TPST1: variants seen among roughly 807,000 people sequenced by gnomAD.
The protein encoded by TPST1 is tyrosylprotein sulfotransferase 1, also known as protein-tyrosine sulfotransferase 1.
In TPST1, 20 loss-of-function variants were observed where a neutral mutation model predicts 34.8. That is an observed-to-expected ratio of 0.57 (90% CI 0.40 to 0.84). The LOEUF is 0.84. Ranked by LOEUF, TPST1 falls within the 40% of genes least tolerant of loss-of-function variation. The pLI, the probability that TPST1 is intolerant of heterozygous loss-of-function variation, is 0.00. For synonymous variants in TPST1, 152 were observed against 159.4 expected (o/e 0.95, Z 0.35); for missense variants, 353 against 455.5 (o/e 0.78, Z 2.05).
At chr7:66,320,494 G>A (rs184602922) in intron 3 of TPST1, among the ~76,000 whole-genome samples, 5 of 151,906 alleles carry the variant, frequency 3.3e-5, no homozygotes, top group African/African-American at 7.2e-5. Flanking sequence ...TGATCTGCCC[G>A]CCTCGGCCTC....
intron 3 of TPST1, among the ~76,000 whole-genome samples, chr7:66,324,042 A>G (rs1791811411): frequency 1.3e-5 from 2 of 152,242 alleles, no homozygotes; most frequent in Admixed American, 6.5e-5. Context: ...AGATGGATCA[A>G]TAGATCACAA....
In TPST1 at chr7:66,213,448, T is replaced by C. The variant is rs1189860713; in HGVS notation, c.-102+7926T>C. On this transcript the variant is annotated intron_variant, in intron 1 of 5. Coordinates refer to ENST00000304842, the MANE Select transcript of TPST1 (RefSeq NM_003596.4). ...TCTATTTTGTCATTTGTTTAAAGAG[T>C]GTATGTAATGGCTTGTTAAACAATA... Among the ~76,000 whole-genome samples, 4 of 152,026 alleles carry C rather than the reference T, an allele frequency of 2.6e-5. 1 individual carries two copies. The highest frequency in any genetic ancestry group is 6.3e-3 in the Middle Eastern group (2 of 316).
intron 1 of TPST1, among the ~76,000 whole-genome samples, chr7:66,217,972 C>G (rs1220131592): frequency 2.6e-5 from 4 of 151,698 alleles, no homozygotes; most frequent in African/African-American, 4.8e-5. Flanking sequence ...CTCTGCCTCC[C>G]GGATTCAAGC....
intron 3 of TPST1, among the ~76,000 whole-genome samples, chr7:66,343,354 G>T (rs1047760506): frequency 1.4e-4 from 21 of 152,236 alleles, no homozygotes; most frequent in African/African-American, 4.8e-4. Context: ...GCTAGACATT[G>T]GGTATTCATG....
At chr7:66,229,343 C>T (rs1292575918) in intron 1 of TPST1, among the ~76,000 whole-genome samples, 1 of 152,174 alleles carries the variant, frequency 6.6e-6, no homozygotes, top group Non-Finnish European at 1.5e-5. Context: ...ATCTCCTGAC[C>T]TCGTGATCTG....
At chr7:66,297,898 A>G (rs1374861727) in intron 3 of TPST1, among the ~76,000 whole-genome samples, 1 of 152,170 alleles carries the variant, frequency 6.6e-6, no homozygotes, top group Non-Finnish European at 1.5e-5. Context: ...AGTTACCCAA[A>G]TTAGGTCTCC....
chr7:66,272,906 T>A (rs1790733106), intron 2 of TPST1, among the ~76,000 whole-genome samples: 1 of 152,042 alleles, frequency 6.6e-6, no homozygotes, highest in Admixed American at 6.6e-5. Flanking sequence ...CCACTTCTGT[T>A]CAGTACAGTA....
At chr7:66,234,231 G>A (rs1325446764) in intron 1 of TPST1, among the ~76,000 whole-genome samples, 1 of 152,034 alleles carries the variant, frequency 6.6e-6, no homozygotes, top group Non-Finnish European at 1.5e-5. Flanking sequence ...ACTTTTTCTT[G>A]GAATGCTCTT....
chr7:66,326,896 C>T (rs1325609446), intron 3 of TPST1, among the ~76,000 whole-genome samples: 1 of 152,140 alleles, frequency 6.6e-6, no homozygotes, highest in Admixed American at 6.5e-5. Flanking sequence ...TGTTTCTAGG[C>T]AGCACAAGAC....
At chr7:66,273,819 T>C (rs550326440) in intron 2 of TPST1, among the ~76,000 whole-genome samples, 6 of 152,024 alleles carry the variant, frequency 3.9e-5, no homozygotes, top group Non-Finnish European at 5.9e-5. Flanking sequence ...TTTTTTTCTT[T>C]TGAGACAGGG....
chr7:66,328,261 A>C (rs1319472688), intron 3 of TPST1, among the ~76,000 whole-genome samples: 1 of 151,732 alleles, frequency 6.6e-6, no homozygotes, highest in Non-Finnish European at 1.5e-5. Flanking sequence ...TCCTGAGCTC[A>C]GGCAATCTTC....
chr7:66,296,258 TCCCCCAC>T (rs1429804770), intron 3 of TPST1, among the ~76,000 whole-genome samples: 3 of 12,446 alleles, frequency 2.4e-4, no homozygotes, highest in Non-Finnish European at 4.7e-4. Flanking sequence ...CCCCCCCCCC[TCCCCCAC>T]CGTCTCTGCC....
At chr7:66,307,063 T>G (rs1791438001) in intron 3 of TPST1, among the ~76,000 whole-genome samples, 1 of 151,782 alleles carries the variant, frequency 6.6e-6, no homozygotes, top group South Asian at 2.1e-4. Context: ...TAGTTGTAAT[T>G]AGAGGGAGGA....
intron 2 of TPST1, among the ~76,000 whole-genome samples, chr7:66,269,597 G>A (rs1034518071): frequency 5.3e-5 from 5 of 94,682 alleles, no homozygotes; most frequent in African/African-American, 9.7e-5. Flanking sequence ...ACACTACCTA[G>A]ATATAGTAAA....
At chr7:66,286,237 G>A (rs1446519234) in intron 2 of TPST1, among the ~76,000 whole-genome samples, 2 of 152,016 alleles carry the variant, frequency 1.3e-5, no homozygotes, top group Non-Finnish European at 2.9e-5. Flanking sequence ...TTTCCTGGAT[G>A]TTGTAATTAC....
chr7:66,337,805 A>G (rs771951570), intron 3 of TPST1, among the ~76,000 whole-genome samples: 2 of 152,288 alleles, frequency 1.3e-5, no homozygotes, highest in Middle Eastern at 3.4e-3. Context: ...TTTTTTTGTA[A>G]GCCTCACAGT....
chr7:66,233,937 C>G (rs1344734885), intron 1 of TPST1, among the ~76,000 whole-genome samples: 1 of 152,088 alleles, frequency 6.6e-6, no homozygotes, highest in Non-Finnish European at 1.5e-5. Flanking sequence ...TCTTGGTTCA[C>G]TGCAACCTTC....
intron 2 of TPST1, among the ~76,000 whole-genome samples, chr7:66,266,305 T>G (rs752256172): frequency 1.1e-4 from 16 of 152,108 alleles, no homozygotes; most frequent in Non-Finnish European, 2.2e-4. Flanking sequence ...AGGCTTAGTA[T>G]TATTAGTCCA....
chr7:66,315,333 A>T (rs1584233216), intron 3 of TPST1, among the ~76,000 whole-genome samples: 1 of 152,256 alleles, frequency 6.6e-6, no homozygotes, highest in Non-Finnish European at 1.5e-5. Context: ...AGGAGGAACC[A>T]CCTACAGGTG....
Sources: gnomAD v4.1 joint callset for allele counts (sites outside exome capture counted in the v4.1 genomes callset) on GRCh38, gnomAD v4.1.1 for gene constraint, MANE v1.5 for transcripts, NCBI Gene and HGNC (gene_info 2026-07-23, HGNC 2026-07-21) for gene names.